CCDC148: variants seen among roughly 807,000 people sequenced by gnomAD.
The protein encoded by CCDC148 is coiled-coil domain-containing protein 148.
CCDC148 carries 89 observed loss-of-function variants against 85.7 expected under a neutral mutation model. The ratio of observed to expected loss-of-function variants is 1.04; its 90% CI spans 0.87 to 1.24. The LOEUF is 1.24. Ranked by LOEUF, CCDC148 falls within the 50% of genes most tolerant of loss-of-function variation. The pLI is 0.00. For synonymous variants in CCDC148, 230 were observed against 213.9 expected (o/e 1.08, Z -0.66); for missense variants, 692 against 671.7 (o/e 1.03, Z -0.33).
intron 9 of CCDC148, among the ~76,000 whole-genome samples, chr2:158,282,325 A>C (rs1371541300): frequency 6.6e-6 from 1 of 152,244 alleles, no homozygotes; most frequent in Non-Finnish European, 1.5e-5. Flanking sequence ...TTAGGAAAAG[A>C]GGAAGTCAAA....
chr2:158,306,692 G>C (rs10210270), intron 9 of CCDC148, among the ~76,000 whole-genome samples: 6,397 of 152,020 alleles, frequency 0.042, 230 homozygotes, highest in African/African-American at 0.092. Context: ...GTGGGGGAAG[G>C]GGGGAGGGAA....
intron 1 of CCDC148, among the ~76,000 whole-genome samples, chr2:158,361,823 A>C (rs2105270506): frequency 6.6e-6 from 1 of 152,234 alleles, no homozygotes; most frequent in African/African-American, 2.4e-5. Flanking sequence ...AACAATACTA[A>C]CCTTAACTGT....
intron 9 of CCDC148, among the ~76,000 whole-genome samples, chr2:158,301,854 A>G (rs1467839343): frequency 6.6e-6 from 1 of 152,224 alleles, no homozygotes; most frequent in Non-Finnish European, 1.5e-5. Context: ...ATTTCAGTAG[A>G]CTGAGAAGTC....
intron 12 of CCDC148, 93 bp downstream of exon 12, chr2:158,178,786 C>A: frequency 3.6e-6 from 3 of 839,756 alleles, no homozygotes; most frequent in Non-Finnish European, 5.9e-6. Context: ...TAGCAGATGT[C>A]ATGAACTAAG....
Position 158,412,830 on chromosome 2 carries a change from TTATTATTA to T in CCDC148, c.25+43577_25+43584del, listed in dbSNP as rs1559128111. Among the ~76,000 whole-genome samples the T allele has an allele frequency of 4.7e-3, 125 of 26,790 alleles. 2 individuals are homozygous for T. The highest frequency in any genetic ancestry group is 0.042 in the African/African-American group (89 of 2,110). 17.6% of individuals were successfully genotyped at this position (26,790 alleles called of 152,430 possible). A position where few individuals can be genotyped will look rare whatever the true frequency, so the allele number is the denominator to read the frequency against. ...ACCTTTATAGCAATATAAGTATTTA[TTATTATTA>T]TTATTATTATTATTATTATTATTAT... On this transcript the variant is annotated intron_variant, in intron 1 of 13. Transcript: ENST00000283233.
intron 9 of CCDC148, among the ~76,000 whole-genome samples, chr2:158,284,700 T>C (rs1690532414): frequency 6.6e-6 from 1 of 152,200 alleles, no homozygotes; most frequent in Admixed American, 6.5e-5. Flanking sequence ...TGGAAGAGGC[T>C]AATATACTTA....
intron 9 of CCDC148, among the ~76,000 whole-genome samples, chr2:158,301,076 C>A (rs1418656671): frequency 6.6e-6 from 1 of 152,164 alleles, no homozygotes; most frequent in East Asian, 1.9e-4. Context: ...CCAGGTTGGT[C>A]TTGAACTCCT....
rs1184367398 is a variant in CCDC148 at position 158,371,745 on chromosome 2, CACT to C, written c.26-13178_26-13176del. Among the ~76,000 whole-genome samples the C allele has an allele frequency of 3.3e-5, 5 of 151,502 alleles. No homozygotes were observed. In the Admixed American group the frequency reaches 3.3e-4, roughly 10 times the overall value. ...ATACATATATATATATTCATTCAAC[CACT>C]ACAAGAATCAAAGACAGAAATTTTT... On this transcript the variant is annotated intron_variant, in intron 1 of 13. Transcript: ENST00000283233.
chr2:158,334,475 C>A (rs60771539), intron 7 of CCDC148, among the ~76,000 whole-genome samples: 25,524 of 110,156 alleles, frequency 0.23, 3,470 homozygotes, highest in African/African-American at 0.4. Context: ...AACTTCTCTG[C>A]GTAACAATTA....
At chr2:158,288,426 A>T (rs940721485) in intron 9 of CCDC148, among the ~76,000 whole-genome samples, 4 of 152,112 alleles carry the variant, frequency 2.6e-5, no homozygotes, top group African/African-American at 9.7e-5. Flanking sequence ...AACCCAGGTC[A>T]CCTCTTAAGT....
chr2:158,445,307 T>A (rs17492897), intron 1 of CCDC148, among the ~76,000 whole-genome samples: 5 of 152,194 alleles, frequency 3.3e-5, no homozygotes, highest in Non-Finnish European at 5.9e-5. Flanking sequence ...GAATTTCCTT[T>A]TATTTTTTCC....
At chr2:158,380,616 A>T (rs149614421) in intron 1 of CCDC148, among the ~76,000 whole-genome samples, 32 of 152,304 alleles carry the variant, frequency 2.1e-4, no homozygotes, top group African/African-American at 7.5e-4. Context: ...AAAATTGGCA[A>T]GCTGGTTTAA....
chr2:158,311,204 C>T (rs1224438044), intron 8 of CCDC148, among the ~76,000 whole-genome samples: 1 of 152,248 alleles, frequency 6.6e-6, no homozygotes, highest in Non-Finnish European at 1.5e-5. Context: ...GTGAGCCAAA[C>T]TCCGTCTGCA....
At chr2:158,405,262 A>C (rs1374174650) in intron 1 of CCDC148, among the ~76,000 whole-genome samples, 2 of 152,174 alleles carry the variant, frequency 1.3e-5, no homozygotes, top group Non-Finnish European at 2.9e-5. Context: ...ACATATTGAA[A>C]ACATTAACAG....
intron 11 of CCDC148, among the ~76,000 whole-genome samples, chr2:158,179,840 C>T (rs1684802029): frequency 6.6e-6 from 1 of 152,138 alleles, no homozygotes; most frequent in Non-Finnish European, 1.5e-5. Flanking sequence ...TGCACTTTGA[C>T]ATCTGTAGAT....
intron 11 of CCDC148, among the ~76,000 whole-genome samples, chr2:158,194,822 G>C (rs567164922): frequency 6.6e-6 from 1 of 151,894 alleles, no homozygotes; most frequent in South Asian, 2.1e-4. Context: ...TTTTTATTTT[G>C]AATGGTCCCA....
intron 1 of CCDC148, among the ~76,000 whole-genome samples, chr2:158,399,869 C>T (rs1574754573): frequency 1.3e-5 from 2 of 150,500 alleles, no homozygotes; most frequent in Non-Finnish European, 3.0e-5. Context: ...TGTATATTTG[C>T]AAAACCCCAT....
At chr2:158,275,045 G>A (rs1689865979) in intron 9 of CCDC148, among the ~76,000 whole-genome samples, 1 of 152,234 alleles carries the variant, frequency 6.6e-6, no homozygotes, top group Non-Finnish European at 1.5e-5. Flanking sequence ...GAGTGTTGGA[G>A]GGCAAGGAAC....
chr2:158,216,164 A>G (rs1189324367), intron 11 of CCDC148, among the ~76,000 whole-genome samples: 1 of 152,172 alleles, frequency 6.6e-6, no homozygotes, highest in Non-Finnish European at 1.5e-5. Context: ...AATAGATAGC[A>G]TGCATGTATA....
Sources: gnomAD v4.1 joint callset for allele counts (sites outside exome capture counted in the v4.1 genomes callset) on GRCh38, gnomAD v4.1.1 for gene constraint, MANE v1.5 for transcripts, NCBI Gene and HGNC (gene_info 2026-07-23, HGNC 2026-07-21) for gene names.